Variants in CA1 observed in about 807,000 individuals in gnomAD.
The protein encoded by CA1 is carbonate dehydratase I.
Under a neutral mutation model 28.8 loss-of-function variants are expected in CA1, and 27 were observed. The observed-to-expected ratio is 0.94, with a 90% confidence interval of 0.69 to 1.29. CA1 has a LOEUF of 1.29. CA1 is among the 50% of genes most tolerant of loss of function. The pLI is 0.00. For missense variants in CA1, 335 were observed against 310.5 expected, an observed-to-expected ratio of 1.08 and a Z score of -0.59; for synonymous variants, 121 against 108.8, an observed-to-expected ratio of 1.11 and a Z score of -0.70.
intron 1 of CA1, among the ~76,000 whole-genome samples, chr8:85,346,450 T>C (rs1284946286): frequency 1.3e-5 from 2 of 152,156 alleles, no homozygotes; most frequent in African/African-American, 2.4e-5. Context: ...GAAAATAACA[T>C]GCATTAATGA....
At chr8:85,372,831 T>C (rs1810278600) in intron 1 of CA1, among the ~76,000 whole-genome samples, 1 of 152,196 alleles carries the variant, frequency 6.6e-6, no homozygotes, top group Non-Finnish European at 1.5e-5. Context: ...ATCGCCTCTG[T>C]ACATGCTGCC....
At chr8:85,346,057 T>C (rs1284068745) in intron 1 of CA1, among the ~76,000 whole-genome samples, 2 of 152,210 alleles carry the variant, frequency 1.3e-5, no homozygotes, top group African/African-American at 4.8e-5. Context: ...CTAATGGGTG[T>C]TTTTTATTAA....
chr8:85,360,344 T>TA (rs760554349), intron 1 of CA1, among the ~76,000 whole-genome samples: 10 of 152,234 alleles, frequency 6.6e-5, no homozygotes, highest in East Asian at 3.9e-4. Context: ...ATCTAAAAGG[T>TA]AAAAAATTTT....
chr8:85,328,643 C>T lies in CA1; in HGVS notation c.703G>A (p.Glu235Lys), dbSNP rs1298193953. ...AQFRSLLSNV[E>K]GDNAVPMQHN... ...TGCATGGGGACAGCGTTATCACCTT[C>T]AACATTTGATAGAAGGCTGCGGAAT... Residue 235 changes from glutamate (E) to lysine (K), a missense_variant, in exon 8 of 8, where the codon GAA becomes AAA. Physicochemically the swap from Glu to Lys is moderately conservative, Grantham distance 56 (BLOSUM62 1). Transcript: ENST00000523022. The T allele has an allele frequency of 6.2e-7, 1 of 1,610,342 alleles. No individual in the cohort carries two copies. Among genetic ancestry groups the T allele is most frequent in the East Asian group, 2.2e-5 (1 of 44,764 alleles).
Position 85,328,376 on chromosome 8 carries a change from AATT to A in CA1, c.*181_*183del. 1 of 457,618 alleles carries A rather than the reference AATT, an allele frequency of 2.2e-6. No homozygotes were observed. Among genetic ancestry groups the A allele is most frequent in the Non-Finnish European group, 3.9e-6 (1 of 258,512 alleles). The allele number at this position is 457,618 out of a possible 1,614,324, so 28.3% of individuals were successfully genotyped here. A position where few individuals can be genotyped will look rare whatever the true frequency, so the allele number is the denominator to read the frequency against. On this transcript the variant is annotated 3_prime_UTR_variant, in exon 8 of 8. Transcript: ENST00000523022. Reference sequence around the variant, plus strand: ...ACAGATTACTATTTGCTAGCTTACTAATTATTATTTGAATTAAGCAGTAAGAAC... The same window carrying A: ...ACAGATTACTATTTGCTAGCTTACTAATTATTTGAATTAAGCAGTAAGAAC...
intron 1 of CA1, among the ~76,000 whole-genome samples, chr8:85,377,393 G>A (rs1266896222): frequency 6.6e-6 from 1 of 152,134 alleles, no homozygotes; most frequent in African/African-American, 2.4e-5. Context: ...GACTAAATTT[G>A]TAATTGATAT....
intron 2 of CA1, chr8:85,341,354 G>T (rs1808918602): frequency 2.7e-6 from 1 of 375,796 alleles, no homozygotes; most frequent in Non-Finnish European, 4.8e-6. Flanking sequence ...AATGATAGGG[G>T]TCTGAAACTG....
chr8:85,340,489 G>C (rs1808870405), intron 2 of CA1, among the ~76,000 whole-genome samples: 1 of 152,206 alleles, frequency 6.6e-6, no homozygotes. Flanking sequence ...TGTACAAGGA[G>C]ATTGATGTTA....
At chr8:85,333,411 A>C in intron 5 of CA1, 114 bp downstream of exon 5, 1 of 698,508 alleles carries the variant, frequency 1.4e-6, no homozygotes, top group Non-Finnish European at 2.6e-6. Flanking sequence ...TCATCGGTTA[A>C]ATGGAAACTT....
chr8:85,349,679 C>T (rs903565893), intron 1 of CA1: 1 of 152,168 alleles, frequency 6.6e-6, no homozygotes. Flanking sequence ...CTATCACATG[C>T]ATCCCTACTG....
chr8:85,333,014 T>C (rs1049639587), intron 5 of CA1, among the ~76,000 whole-genome samples: 7 of 152,166 alleles, frequency 4.6e-5, no homozygotes, highest in Non-Finnish European at 8.8e-5. Flanking sequence ...ATAGAACTTT[T>C]CAGGGATTCT....
Position 85,341,653 on chromosome 8 carries a change from T to C in CA1, c.-18A>G. The C allele has an allele frequency of 6.3e-7, 1 of 1,577,920 alleles. No homozygotes were observed. The highest frequency in any genetic ancestry group is 1.1e-5 in the South Asian group (1 of 90,344). ...CTTGCCATTATCTTCTACTGAGTTT[T>C]CTTTTTCTGAAAACAAAAATAATAC... On this transcript the variant is annotated 5_prime_UTR_variant, in exon 2 of 8. Coordinates refer to ENST00000523022, the MANE Select transcript of CA1 (RefSeq NM_001128831.4).
chr8:85,343,291 C>T (rs1043725850), intron 1 of CA1: 1 of 151,972 alleles, frequency 6.6e-6, no homozygotes, highest in Non-Finnish European at 1.5e-5. Context: ...GTGAAGACAC[C>T]TCCTCAGAGT....
At chr8:85,342,538 C>T (rs530444036) in intron 1 of CA1, among the ~76,000 whole-genome samples, 14 of 152,180 alleles carry the variant, frequency 9.2e-5, no homozygotes, top group African/African-American at 3.1e-4. Context: ...CCAAATGCCA[C>T]ACTAATTCCC....
At chr8:85,349,168 T>C (rs981301298) in intron 1 of CA1, among the ~76,000 whole-genome samples, 13 of 152,218 alleles carry the variant, frequency 8.5e-5, no homozygotes, top group Non-Finnish European at 1.8e-4. Flanking sequence ...AATAGTTTCT[T>C]TTAGAATAGC....
chr8:85,329,602 T>A (rs1367412829), intron 7 of CA1, 87 bp downstream of exon 7: 26 of 1,176,166 alleles, frequency 2.2e-5, no homozygotes, highest in Middle Eastern at 4.1e-4. Flanking sequence ...CAAAGCTGAC[T>A]GAAATAATAA....
chr8:85,370,577 C>T (rs1202258246), intron 1 of CA1, among the ~76,000 whole-genome samples: 1 of 152,044 alleles, frequency 6.6e-6, no homozygotes, highest in Non-Finnish European at 1.5e-5. Flanking sequence ...AAATATGGAA[C>T]TCAGTAACCA....
intron 1 of CA1, among the ~76,000 whole-genome samples, chr8:85,356,797 A>AGG (rs1809621356): frequency 6.6e-6 from 1 of 152,230 alleles, no homozygotes; most frequent in Non-Finnish European, 1.5e-5. Context: ...TAAGAAAATA[A>AGG]GGTGCAGATG....
chr8:85,343,581 A>G (rs1809013501), intron 1 of CA1, among the ~76,000 whole-genome samples: 1 of 152,168 alleles, frequency 6.6e-6, no homozygotes, highest in East Asian at 1.9e-4. Flanking sequence ...GCCTCCTAAT[A>G]TTGTATACTT....
Sources: allele counts gnomAD v4.1 joint callset (sites outside exome capture counted in the v4.1 genomes callset), GRCh38; gene constraint gnomAD v4.1.1; transcripts MANE v1.5; gene names NCBI Gene and HGNC (gene_info 2026-07-23, HGNC 2026-07-21).